The following PPFIBP2 variants were observed in gnomAD, a reference collection of about 807,000 sequenced individuals.
PPFIBP2 encodes PPFIB scaffold protein 2.
PPFIBP2 carries 118 observed loss-of-function variants against 118.3 expected under a neutral mutation model. The ratio of observed to expected loss-of-function variants is 1.00; its 90% confidence interval spans 0.86 to 1.16. PPFIBP2 has a LOEUF of 1.16. Among genes scored for constraint, PPFIBP2 ranks in the 50% most tolerant of loss-of-function variants. The pLI is 0.00. For synonymous variants in PPFIBP2, 414 were observed against 397.4 expected (o/e 1.04, Z -0.50); for missense variants, 1,195 against 1,073.1 (o/e 1.11, Z -1.59).
At chr11:7,558,206 G>C (rs1460536194) in intron 2 of PPFIBP2, among the ~76,000 whole-genome samples, 1 of 152,192 alleles carries the variant, frequency 6.6e-6, no homozygotes, top group African/African-American at 2.4e-5. Flanking sequence ...CTTGAACACA[G>C]ACTGATTGAG....
At chr11:7,524,619 T>G (rs1393538812) in intron 1 of PPFIBP2, among the ~76,000 whole-genome samples, 1 of 152,072 alleles carries the variant, frequency 6.6e-6, no homozygotes, top group Non-Finnish European at 1.5e-5. Context: ...CTTTTGAAAG[T>G]GAAAGTAGGC....
intron 2 of PPFIBP2, among the ~76,000 whole-genome samples, chr11:7,565,058 G>T (rs577057479): frequency 6.9e-6 from 1 of 145,746 alleles, no homozygotes; most frequent in Non-Finnish European, 1.5e-5. Context: ...AGATCTTACT[G>T]TCTAAACGTA....
chr11:7,534,306 G>A (rs1310355034), intron 1 of PPFIBP2, among the ~76,000 whole-genome samples: 5 of 152,172 alleles, frequency 3.3e-5, no homozygotes, highest in African/African-American at 1.2e-4. Flanking sequence ...AATAGAAATA[G>A]TAAAATGCAT....
intron 6 of PPFIBP2, among the ~76,000 whole-genome samples, chr11:7,617,508 C>T (rs1265539750): frequency 6.6e-6 from 1 of 152,056 alleles, no homozygotes; most frequent in Non-Finnish European, 1.5e-5. Flanking sequence ...GAGGCCAACC[C>T]TCAAACAGGT....
chr11:7,635,591 A>G lies in PPFIBP2; in HGVS notation c.1234A>G (p.Lys412Glu). 1 of 1,607,930 alleles carries G rather than the reference A, an allele frequency of 6.2e-7. No homozygotes were observed. Among genetic ancestry groups the G allele is most frequent in the Non-Finnish European group, 8.5e-7 (1 of 1,174,274 alleles). Reference sequence around the variant, plus strand: ...CCAGCCCTTCCCGGTGTTAGAACCCAAGGTACATTGACTTCGTGCCCCGTC... The same window carrying G: ...CCAGCCCTTCCCGGTGTTAGAACCCGAGGTACATTGACTTCGTGCCCCGTC... ...GNQPFPVLEP[K>E]DSPFLAEHKY... Residue 412 changes from lysine to glutamate, a missense_variant and splice_region_variant, in exon 14 of 24, where the codon AAG becomes GAG. Lys to Glu is a moderately conservative substitution (Grantham distance 56). Transcript: ENST00000299492.
chr11:7,573,389 A>G (rs973923138), intron 3 of PPFIBP2, among the ~76,000 whole-genome samples: 2 of 152,250 alleles, frequency 1.3e-5, no homozygotes, highest in East Asian at 1.9e-4. Context: ...AAAAATCACA[A>G]GAATGTTTTG....
chr11:7,547,165 G>A (rs572186851), intron 1 of PPFIBP2, among the ~76,000 whole-genome samples: 3 of 152,232 alleles, frequency 2.0e-5, no homozygotes, highest in Admixed American at 6.5e-5. Context: ...TTTACGTGGT[G>A]CCGGGGGGCG....
chr11:7,588,884 CA>C (rs1858700649), intron 3 of PPFIBP2, among the ~76,000 whole-genome samples: 1 of 152,192 alleles, frequency 6.6e-6, no homozygotes, highest in African/African-American at 2.4e-5. Flanking sequence ...TTCACTGTGG[CA>C]TTCTTTAGTC....
At chr11:7,570,323 C>T (rs556945659) in intron 3 of PPFIBP2, among the ~76,000 whole-genome samples, 37 of 152,282 alleles carry the variant, frequency 2.4e-4, no homozygotes, top group East Asian at 1.9e-4. Flanking sequence ...CTTTGGGTGA[C>T]GCCCAGAAGA....
chr11:7,567,453 T>G (rs1454970047), intron 3 of PPFIBP2, among the ~76,000 whole-genome samples: 1 of 152,244 alleles, frequency 6.6e-6, no homozygotes, highest in Non-Finnish European at 1.5e-5. Flanking sequence ...ATGCCTTCCT[T>G]TGAAGAGATT....
intron 8 of PPFIBP2, 41 bp downstream of exon 8, chr11:7,625,932 C>T (rs764492351): frequency 2.0e-6 from 3 of 1,508,654 alleles, no homozygotes; most frequent in Admixed American, 3.4e-5. Flanking sequence ...TGTCTGGGTC[C>T]CTGGGTCTAC....
At chr11:7,663,701 G>A in the PPFIBP2 span, among the ~76,000 whole-genome samples, 122 of 152,360 alleles carry the variant, frequency 8.0e-4, no homozygotes, top group African/African-American at 2.8e-3. Context: ...CGGCTGCTTT[G>A]TTTACCTAAG....
chr11:7,628,686 G>T (rs56120321), intron 9 of PPFIBP2, among the ~76,000 whole-genome samples: 7,026 of 152,274 alleles, frequency 0.046, 220 homozygotes, highest in Non-Finnish European at 0.07. Context: ...TCTCCCATGT[G>T]CATGACCTGA....
At chr11:7,657,425 G>C (rs879398644), downstream of PPFIBP2, among the ~76,000 whole-genome samples, 18 of 152,190 alleles carry the variant, frequency 1.2e-4, no homozygotes, top group Admixed American at 1.2e-3. Flanking sequence ...GCTTGGAGCA[G>C]AGGCGTCCCC....
intron 2 of PPFIBP2, 112 bp downstream of exon 2, chr11:7,549,651 A>C: frequency 9.1e-7 from 1 of 1,096,894 alleles, no homozygotes. Flanking sequence ...CCCTTTTGTT[A>C]TATTTATTTT....
intron 5 of PPFIBP2, among the ~76,000 whole-genome samples, chr11:7,604,791 A>G (rs1261702787): frequency 6.6e-6 from 1 of 152,206 alleles, no homozygotes; most frequent in African/African-American, 2.4e-5. Context: ...GCCCTAACCT[A>G]GAGTAGCACA....
At chr11:7,524,982 C>A (rs1272937305) in intron 1 of PPFIBP2, among the ~76,000 whole-genome samples, 1 of 152,178 alleles carries the variant, frequency 6.6e-6, no homozygotes, top group East Asian at 1.9e-4. Context: ...ACAACAACAG[C>A]CTTGTGTGTC....
At chr11:7,554,170 A>G (rs1009437183) in intron 2 of PPFIBP2, among the ~76,000 whole-genome samples, 3 of 152,172 alleles carry the variant, frequency 2.0e-5, no homozygotes, top group African/African-American at 7.2e-5. Flanking sequence ...CCAAAACACA[A>G]CTGCTTTTCC....
At chr11:7,555,054 CTA>C (rs1343711539) in intron 2 of PPFIBP2, among the ~76,000 whole-genome samples, 7 of 152,214 alleles carry the variant, frequency 4.6e-5, no homozygotes, top group African/African-American at 1.2e-4. Flanking sequence ...AAATTGAACT[CTA>C]TATTGCTTAA....
Sources: allele counts gnomAD v4.1 joint callset (sites outside exome capture counted in the v4.1 genomes callset), GRCh38; gene constraint gnomAD v4.1.1; transcripts MANE v1.5; gene names NCBI Gene and HGNC (gene_info 2026-07-23, HGNC 2026-07-21).